The following POU2F1 variants were observed in gnomAD, a reference collection of about 807,000 sequenced individuals.
POU2F1 encodes POU domain, class 2, transcription factor 1.
A neutral mutation model predicts 84.9 loss-of-function variants in POU2F1; 16 were observed. The observed-to-expected ratio is 0.19, with a 90% CI of 0.13 to 0.29. The LOEUF (loss-of-function observed/expected upper bound fraction) is 0.29. POU2F1 is among the 10% of genes least tolerant of loss of function. POU2F1 has a pLI of 1.00. For synonymous variants in POU2F1, 368 were observed against 368.3 expected (o/e 1.00, Z 0.01); for missense variants, 738 against 942.6 (o/e 0.78, Z 2.84).
chr1:167,393,696 T>C (rs2101901361), intron 9 of POU2F1, among the ~76,000 whole-genome samples: 1 of 152,284 alleles, frequency 6.6e-6, no homozygotes, highest in South Asian at 2.1e-4. Flanking sequence ...TGGGGCCTTC[T>C]GTTTCCAAGG....
intron 13 of POU2F1, among the ~76,000 whole-genome samples, chr1:167,408,262 G>A (rs1472329547): frequency 6.6e-6 from 1 of 152,142 alleles, no homozygotes; most frequent in Non-Finnish European, 1.5e-5. Context: ...GGAGAAACTG[G>A]AACTTTCATG....
chr1:167,330,498 A>G (rs1195459623), intron 1 of POU2F1, among the ~76,000 whole-genome samples: 1 of 152,172 alleles, frequency 6.6e-6, no homozygotes, highest in East Asian at 1.9e-4. Context: ...GGAAAGAAAA[A>G]TACCTTTTTG....
At chr1:167,359,247 A>T (rs1369881033) in intron 2 of POU2F1, among the ~76,000 whole-genome samples, 1 of 151,986 alleles carries the variant, frequency 6.6e-6, no homozygotes, top group East Asian at 1.9e-4. Context: ...CAGGTTTGTT[A>T]CATGGGTATA....
intron 1 of POU2F1, among the ~76,000 whole-genome samples, chr1:167,250,994 A>C (rs951429620): frequency 6.6e-6 from 1 of 152,236 alleles, no homozygotes. Flanking sequence ...TCAAGAGAAC[A>C]GTAAAGATTT....
chr1:167,251,772 C>T (rs1346742747), intron 1 of POU2F1, among the ~76,000 whole-genome samples: 3 of 151,632 alleles, frequency 2.0e-5, no homozygotes, highest in African/African-American at 4.8e-5. Flanking sequence ...TTTGTCATCA[C>T]GGAACATATT....
intron 1 of POU2F1, among the ~76,000 whole-genome samples, chr1:167,295,162 G>T (rs1471947493): frequency 1.3e-5 from 2 of 151,358 alleles, no homozygotes; most frequent in Admixed American, 1.3e-4. Context: ...ATTCTATCCA[G>T]CACTCCCACT....
At chr1:167,317,546 T>G (rs1254747533) in intron 1 of POU2F1, among the ~76,000 whole-genome samples, 3 of 152,232 alleles carry the variant, frequency 2.0e-5, no homozygotes, top group Non-Finnish European at 4.4e-5. Flanking sequence ...TAAGCCTTGT[T>G]TCTATAGATT....
Position 167,424,972 on chromosome 1 carries a change from A to C in POU2F1, c.*9162A>C, listed in dbSNP as rs570572027. The C allele has an allele frequency of 3.3e-5, 5 of 152,314 alleles. No individual in the cohort carries two copies. The highest frequency in any genetic ancestry group is 1.2e-4 in the African/African-American group (5 of 41,560). The allele number at this position is 152,314 out of a possible 1,614,324, so 9.4% of individuals were successfully genotyped here. On this transcript the variant is annotated 3_prime_UTR_variant, in exon 16 of 16. Coordinates refer to ENST00000367866, the MANE Select transcript of POU2F1 (RefSeq NM_002697.4). Reference sequence around the variant, plus strand: ...AAGGGAAGACACCAAAGGCTCCTTTAAGCTGACTGCTGCATACACATTTCA... The same window carrying C: ...AAGGGAAGACACCAAAGGCTCCTTTCAGCTGACTGCTGCATACACATTTCA...
At chr1:167,261,807 C>CTT in intron 1 of POU2F1, among the ~76,000 whole-genome samples, 1 of 152,154 alleles carries the variant, frequency 6.6e-6, no homozygotes, top group East Asian at 1.9e-4. Flanking sequence ...ACCTCAGCCT[C>CTT]TTGAGTAGCT....
chr1:167,248,349 G>A (rs1650489454), intron 1 of POU2F1, among the ~76,000 whole-genome samples: 1 of 152,170 alleles, frequency 6.6e-6, no homozygotes, highest in Non-Finnish European at 1.5e-5. Flanking sequence ...TTTCCATCAG[G>A]TACTGTGTTA....
At chr1:167,221,514 C>T (rs567581913) in intron 1 of POU2F1, among the ~76,000 whole-genome samples, 1,686 of 148,832 alleles carry the variant, frequency 0.011, 15 homozygotes, top group Non-Finnish European at 0.019. Flanking sequence ...CGGACCCCGG[C>T]GGCCGGACAC....
At chr1:167,328,780 T>C (rs1287816242) in intron 1 of POU2F1, among the ~76,000 whole-genome samples, 1 of 152,208 alleles carries the variant, frequency 6.6e-6, no homozygotes, top group African/African-American at 2.4e-5. Context: ...GCAAATAGCC[T>C]GATAAATATT....
intron 1 of POU2F1, among the ~76,000 whole-genome samples, chr1:167,300,055 C>T (rs141749955): frequency 6.6e-6 from 1 of 152,280 alleles, no homozygotes; most frequent in Non-Finnish European, 1.5e-5. Context: ...AAGTGTGGTA[C>T]ACAGATACCA....
rs1283751668 is a variant in POU2F1, at chr1:167,424,683, T to C, written c.*8873T>C. The C allele has an allele frequency of 1.3e-5, 2 of 152,274 alleles. No homozygotes were observed. Among genetic ancestry groups the C allele is most frequent in the Admixed American group, 1.3e-4 (2 of 15,286 alleles). The allele number at this position is 152,274 out of a possible 1,614,324, so 9.4% of individuals were successfully genotyped here. ...CCCTAAAGCCTCTGAATGTCGCTGC[T>C]TAAAAGCTACTGCAAACTGAGGGCA... On this transcript the variant is annotated 3_prime_UTR_variant, in exon 16 of 16. Transcript: ENST00000367866.
intron 1 of POU2F1, among the ~76,000 whole-genome samples, chr1:167,321,538 A>C (rs1656309883): frequency 6.6e-6 from 1 of 152,184 alleles, no homozygotes; most frequent in African/African-American, 2.4e-5. Flanking sequence ...AATAACAAAG[A>C]CTGGAGAATT....
chr1:167,303,450 C>T (rs1654853065), intron 1 of POU2F1: 1 of 154,296 alleles, frequency 6.5e-6, no homozygotes, highest in African/African-American at 2.4e-5. Flanking sequence ...TCAGTTTTGC[C>T]TTTTTCTCTT....
chr1:167,304,183 C>T (rs558640790), intron 1 of POU2F1, among the ~76,000 whole-genome samples: 34 of 152,234 alleles, frequency 2.2e-4, no homozygotes, highest in African/African-American at 7.9e-4. Context: ...AGAGAATAAA[C>T]AAACCATAGT....
intron 1 of POU2F1, among the ~76,000 whole-genome samples, chr1:167,224,969 C>T (rs558376019): frequency 6.6e-6 from 1 of 152,020 alleles, no homozygotes; most frequent in African/African-American, 2.4e-5. Context: ...GCTGGGACTA[C>T]AGGCATGCGC....
chr1:167,405,078 A>G (rs1005631103), intron 13 of POU2F1, among the ~76,000 whole-genome samples: 1 of 152,336 alleles, frequency 6.6e-6, no homozygotes, highest in Non-Finnish European at 1.5e-5. Flanking sequence ...AAATAGATGC[A>G]AGTGAGCATT....
Sources: gnomAD v4.1 joint callset for allele counts (sites outside exome capture counted in the v4.1 genomes callset) on GRCh38, gnomAD v4.1.1 for gene constraint, MANE v1.5 for transcripts, NCBI Gene and HGNC (gene_info 2026-07-23, HGNC 2026-07-21) for gene names.